GALNTL6: variants seen among roughly 807,000 people sequenced by gnomAD.
GALNTL6 encodes polypeptide N-acetylgalactosaminyltransferase like 6.
A neutral mutation model predicts 73.7 loss-of-function variants in GALNTL6; 46 were observed. The ratio of observed to expected loss-of-function variants is 0.62; its 90% CI spans 0.49 to 0.80. The LOEUF (loss-of-function observed/expected upper bound fraction) is 0.80. Among genes scored for constraint, GALNTL6 ranks in the 30% least tolerant of loss-of-function variants. The pLI is 0.00. For synonymous variants in GALNTL6, 259 were observed against 263.7 expected (o/e 0.98, Z 0.17); for missense variants, 604 against 755.0 (o/e 0.80, Z 2.34).
rs573064575 is a variant in GALNTL6 at position 172,430,104 on chromosome 4, T to C, written c.553+81415T>C. Among the ~76,000 whole-genome samples the C allele has an allele frequency of 3.2e-4, 48 of 152,056 alleles. 1 individual carries two copies. In the South Asian group the frequency reaches 9.8e-3, roughly 31 times the overall value. Reference sequence around the variant, plus strand: ...ATATATATATATACATATATATATCTGTGAAGTGAAACGGAGAGAAAATAT... The same window carrying C: ...ATATATATATATACATATATATATCCGTGAAGTGAAACGGAGAGAAAATAT... On this transcript the variant is annotated intron_variant, in intron 5 of 12. Coordinates refer to ENST00000506823, the MANE Select transcript of GALNTL6 (RefSeq NM_001034845.3).
In GALNTL6 at chr4:172,960,677, G is replaced by A. The variant is rs572302227; in HGVS notation, c.1371+8419G>A. Among the ~76,000 whole-genome samples, 9 of 152,246 alleles carry A rather than the reference G, an allele frequency of 5.9e-5. No individual in the cohort carries two copies. The East Asian group carries it at 1.4e-3, about 23-fold the overall frequency. On this transcript the variant is annotated intron_variant, in intron 10 of 12. Transcript: ENST00000506823. ...ACCTCAGACCATTTGCCCATTTTAC[G>A]ACAAGAATTATCTAGATCTTGTAGG...
intron 5 of GALNTL6, among the ~76,000 whole-genome samples, chr4:172,534,719 C>G (rs898402227): frequency 6.6e-6 from 1 of 152,086 alleles, no homozygotes; most frequent in Non-Finnish European, 1.5e-5. Context: ...CAGGTGTGCA[C>G]CACCATGCCG....
intron 5 of GALNTL6, among the ~76,000 whole-genome samples, chr4:172,747,077 T>TA (rs1257562396): frequency 4.6e-5 from 7 of 152,082 alleles, no homozygotes; most frequent in African/African-American, 7.2e-5. Flanking sequence ...AAAGTCCACT[T>TA]ACAATACCAT....
intron 5 of GALNTL6, among the ~76,000 whole-genome samples, chr4:172,494,154 CA>C (rs1204298346): frequency 2.0e-5 from 3 of 152,070 alleles, no homozygotes; most frequent in African/African-American, 7.2e-5. Flanking sequence ...AGTGGGCAAC[CA>C]AAATAAAATG....
intron 5 of GALNTL6, among the ~76,000 whole-genome samples, chr4:172,794,248 G>A (rs779094946): frequency 2.0e-4 from 30 of 152,114 alleles, no homozygotes; most frequent in Non-Finnish European, 4.1e-4. Flanking sequence ...AAATTTGGGG[G>A]AGCTCTCTGG....
intron 2 of GALNTL6, among the ~76,000 whole-genome samples, chr4:172,019,169 G>A (rs1741315715): frequency 1.3e-5 from 2 of 152,026 alleles, no homozygotes; most frequent in South Asian, 2.1e-4. Flanking sequence ...TCCTGCAATG[G>A]TTTTTGGAAC....
At chr4:172,369,205 A>G (rs1742691736) in intron 5 of GALNTL6, among the ~76,000 whole-genome samples, 1 of 152,198 alleles carries the variant, frequency 6.6e-6, no homozygotes, top group South Asian at 2.1e-4. Context: ...TCCTTGAGCT[A>G]GACACAGAGT....
intron 2 of GALNTL6, among the ~76,000 whole-genome samples, chr4:171,894,111 A>G (rs1240039562): frequency 7.9e-5 from 12 of 152,148 alleles, no homozygotes; most frequent in Non-Finnish European, 1.6e-4. Context: ...AAATAATCGG[A>G]TGTAGTATTA....
chr4:172,824,363 T>C (rs1742114280), intron 7 of GALNTL6, among the ~76,000 whole-genome samples: 1 of 116,426 alleles, frequency 8.6e-6, no homozygotes, highest in African/African-American at 5.3e-5. Flanking sequence ...CATGGTATAG[T>C]GTGTGTGTGT....
intron 2 of GALNTL6, among the ~76,000 whole-genome samples, chr4:172,044,879 G>A (rs1397700000): frequency 6.6e-6 from 1 of 151,702 alleles, no homozygotes; most frequent in African/African-American, 2.4e-5. Flanking sequence ...TTTCTATAAA[G>A]TATCAAGATC....
chr4:172,916,169 A>G (rs927711752), intron 8 of GALNTL6, among the ~76,000 whole-genome samples: 9 of 152,232 alleles, frequency 5.9e-5, no homozygotes, highest in African/African-American at 2.2e-4. Context: ...CAATAGATGC[A>G]GAAAAGGCCT....
intron 5 of GALNTL6, among the ~76,000 whole-genome samples, chr4:172,607,958 G>A (rs977370420): frequency 6.6e-6 from 1 of 151,966 alleles, no homozygotes; most frequent in Admixed American, 6.6e-5. Flanking sequence ...TTCTTTGCAT[G>A]TGAATTTGGT....
At chr4:171,986,541 G>T (rs774564161) in intron 2 of GALNTL6, among the ~76,000 whole-genome samples, 18 of 152,076 alleles carry the variant, frequency 1.2e-4, no homozygotes, top group Non-Finnish European at 2.6e-4. Context: ...AATTTTAGGG[G>T]GTGGTATGGA....
At chr4:172,671,421 A>G (rs1731978303) in intron 5 of GALNTL6, among the ~76,000 whole-genome samples, 1 of 152,046 alleles carries the variant, frequency 6.6e-6, no homozygotes, top group Non-Finnish European at 1.5e-5. Flanking sequence ...TTTGTGTGGC[A>G]ACTGTGAATG....
intron 3 of GALNTL6, among the ~76,000 whole-genome samples, chr4:172,305,587 A>T (rs1740102647): frequency 6.7e-6 from 1 of 150,338 alleles, no homozygotes; most frequent in African/African-American, 2.4e-5. Flanking sequence ...CAAACATACA[A>T]TTTTTTTTTT....
chr4:172,229,804 C>A, intron 3 of GALNTL6, 40 bp downstream of exon 3: 1 of 1,202,716 alleles, frequency 8.3e-7, no homozygotes, highest in Non-Finnish European at 1.2e-6. Context: ...ATTTCACTCG[C>A]AGCAGTGTCT....
At chr4:172,349,878 G>T (rs1452863424) in intron 5 of GALNTL6, among the ~76,000 whole-genome samples, 2 of 150,608 alleles carry the variant, frequency 1.3e-5, no homozygotes, top group African/African-American at 2.4e-5. Context: ...GTCATTTTAG[G>T]TTTGATTTTA....
At chr4:172,085,577 A>C (rs1732007347) in intron 2 of GALNTL6, among the ~76,000 whole-genome samples, 1 of 152,074 alleles carries the variant, frequency 6.6e-6, no homozygotes, top group Admixed American at 6.6e-5. Flanking sequence ...AAAATTATAC[A>C]TTAAGCATGA....
intron 2 of GALNTL6, among the ~76,000 whole-genome samples, chr4:171,818,321 G>T (rs1431451825): frequency 6.6e-6 from 1 of 151,440 alleles, no homozygotes; most frequent in Non-Finnish European, 1.5e-5. Flanking sequence ...AAAAAATCTA[G>T]CACCAAATAC....
Sources: allele counts gnomAD v4.1 joint callset (sites outside exome capture counted in the v4.1 genomes callset), GRCh38; gene constraint gnomAD v4.1.1; transcripts MANE v1.5; gene names NCBI Gene and HGNC (gene_info 2026-07-23, HGNC 2026-07-21).